The following NIPBL variants were observed in gnomAD, a reference collection of about 807,000 sequenced individuals.
The protein encoded by NIPBL is nipped-B-like protein.
In NIPBL, 19 loss-of-function variants were observed where a neutral mutation model predicts 321.8. That is an observed-to-expected ratio of 0.06 (90% confidence interval 0.04 to 0.09). The LOEUF is 0.09. Ranked by LOEUF, NIPBL falls within the 10% of genes least tolerant of loss-of-function variation. NIPBL has a pLI of 1.00. For synonymous variants in NIPBL, 1,106 were observed against 1,114.1 expected, an observed-to-expected ratio of 0.99 and a Z score of 0.14; for missense variants, 2,210 against 3,327.0, an observed-to-expected ratio of 0.66 and a Z score of 8.26.
In NIPBL at chr5:37,058,956, C is replaced by T; in HGVS notation, c.7476C>T (p.Asp2492=). 6.2e-7 allele frequency: 1 copy of T among 1,614,112 alleles called. No homozygotes were observed. Among genetic ancestry groups the T allele is most frequent in the East Asian group, 2.2e-5 (1 of 44,880 alleles). The change falls in exon 44 of 47, where the codon GAC becomes GAT. Residue 2492 remains aspartate (D), a synonymous_variant. Coordinates refer to ENST00000282516, the MANE Select transcript of NIPBL (RefSeq NM_133433.4). ...CTAGTAAGGAAAATGAGTCAAGCGACAGTGAAGAAGAAGTTTCCAGGCCTC... is the reference window on the plus strand; with the variant it reads ...CTAGTAAGGAAAATGAGTCAAGCGATAGTGAAGAAGAAGTTTCCAGGCCTC... The part of the protein sequence containing the change: ...SSPSKENESS[D]SEEEVSRPRK...
intron 4 of NIPBL, among the ~76,000 whole-genome samples, chr5:36,961,181 C>G (rs904204956): frequency 2.6e-5 from 4 of 152,000 alleles, no homozygotes; most frequent in African/African-American, 9.7e-5. Context: ...TTAGATAAGA[C>G]AACTTTTAAA....
intron 1 of NIPBL, among the ~76,000 whole-genome samples, chr5:36,883,310 T>G (rs1370167739): frequency 2.0e-5 from 3 of 151,882 alleles, no homozygotes; most frequent in Non-Finnish European, 2.9e-5. Context: ...ATATTTCTCC[T>G]TTGACAGAAA....
At chr5:36,975,494 T>C (rs548906352) in intron 8 of NIPBL, among the ~76,000 whole-genome samples, 1 of 152,230 alleles carries the variant, frequency 6.6e-6, no homozygotes, top group East Asian at 1.9e-4. Context: ...TAAATATGTA[T>C]ACTTTATAGG....
chr5:37,024,868 T>C, intron 30 of NIPBL, 149 bp downstream of exon 30: 1 of 603,270 alleles, frequency 1.7e-6, no homozygotes, highest in South Asian at 2.8e-5. Context: ...CATACTTTAA[T>C]TTTTTTTGTT....
Position 37,044,653 on chromosome 5 carries a change from G to C in NIPBL, c.6267G>C (p.Val2089=). The C allele has an allele frequency of 6.2e-7, 1 of 1,613,808 alleles. No individual in the cohort carries two copies. Among genetic ancestry groups the C allele is most frequent in the Non-Finnish European group, 8.5e-7 (1 of 1,179,806 alleles). ...TCTTTTAGGTAGTGCAACATTGTGT[G>C]AGCTGTCTTGGAGCTGTTGTAAATA... ...KYGMTVVQHC[V]SCLGAVVNKV... is the part of the protein sequence containing the mutation. The change falls in exon 36 of 47, where the codon GTG becomes GTC. Residue 2089 remains valine, a synonymous_variant. Transcript: ENST00000282516.
At position 36,876,975 on chromosome 5, in the gene NIPBL, A is replaced by T; in HGVS notation, c.-283A>T. ...TCGGGCCCGTGGTCGGGTGTTTGTG[A>T]GTGTTTCTATGTGGGAGAAGGAGGA... On this transcript the variant is annotated 5_prime_UTR_variant, in exon 1 of 47. Coordinates refer to ENST00000282516, the MANE Select transcript of NIPBL (RefSeq NM_133433.4). 2.6e-6 allele frequency: 1 copy of T among 390,352 alleles called. No individual in the cohort carries two copies. Among genetic ancestry groups the T allele is most frequent in the Admixed American group, 4.5e-5 (1 of 22,354 alleles). 24.2% of individuals were successfully genotyped at this position (390,352 alleles called of 1,614,324 possible).
Position 36,976,142 on chromosome 5 carries a change from G to A in NIPBL, c.1235G>A (p.Arg412His), listed in dbSNP as rs372266009. 1.9e-5 allele frequency: 30 copies of A among 1,613,406 alleles called. No individual in the cohort carries two copies. Among genetic ancestry groups the A allele is most frequent in the Middle Eastern group, 1.6e-4 (1 of 6,078 alleles). Residue 412 changes from arginine (R) to histidine (H), a missense_variant, in exon 9 of 47, where the codon CGC (arginine) becomes CAC (histidine). Around this residue, in one of 14 missense-constraint regions of NIPBL, gnomAD observed 464 missense variants for 529.5 expected, o/e 0.88. Coordinates refer to ENST00000282516, the MANE Select transcript of NIPBL (RefSeq NM_133433.4). ...CCCATTACTCCACAAGATATAAACC[G>A]CCCACTAAATGCTGCTCAATGTTTG... ...KTPITPQDIN[R>H]PLNAAQCLSQ...
intron 33 of NIPBL, among the ~76,000 whole-genome samples, chr5:37,037,242 A>G (rs301917): frequency 0.56 from 84,949 of 150,840 alleles, 25,934 homozygotes; most frequent in African/African-American, 0.82. Context: ...AAAAAAATTA[A>G]CCAGGCATGG....
At chr5:36,958,865 TTG>T (rs1741278740) in intron 4 of NIPBL, among the ~76,000 whole-genome samples, 2 of 152,162 alleles carry the variant, frequency 1.3e-5, no homozygotes, top group Admixed American at 6.5e-5. Context: ...CAGGAATAGC[TTG>T]GACAACTTCA....
intron 9 of NIPBL, among the ~76,000 whole-genome samples, chr5:36,982,377 G>A (rs979147137): frequency 6.6e-6 from 1 of 151,724 alleles, no homozygotes; most frequent in African/African-American, 2.4e-5. Flanking sequence ...TAAGTTCATG[G>A]TGGAATTGAA....
chr5:37,052,599 A>G, intron 42 of NIPBL, 33 bp downstream of exon 42: 1 of 1,557,332 alleles, frequency 6.4e-7, no homozygotes, highest in Non-Finnish European at 8.9e-7. Context: ...TTAAGAAAAT[A>G]AGTGCTCTAG....
intron 1 of NIPBL, among the ~76,000 whole-genome samples, chr5:36,937,614 T>C (rs1006749705): frequency 5.3e-5 from 8 of 152,152 alleles, no homozygotes; most frequent in Non-Finnish European, 8.8e-5. Flanking sequence ...TTTTTAGGAA[T>C]GCTATTAAGG....
chr5:37,055,211 C>T (rs1445570442), intron 42 of NIPBL, among the ~76,000 whole-genome samples: 2 of 151,996 alleles, frequency 1.3e-5, no homozygotes, highest in Non-Finnish European at 2.9e-5. Flanking sequence ...ATTAGCCAGG[C>T]ATGATGGCGC....
chr5:37,058,556 T>C (rs1173291182), intron 43 of NIPBL, among the ~76,000 whole-genome samples: 1 of 152,258 alleles, frequency 6.6e-6, no homozygotes, highest in East Asian at 1.9e-4. Flanking sequence ...TTATAATTAC[T>C]GCTTTTCCTC....
intron 6 of NIPBL, among the ~76,000 whole-genome samples, chr5:36,962,980 C>A (rs1456339127): frequency 6.6e-6 from 1 of 151,954 alleles, no homozygotes; most frequent in African/African-American, 2.4e-5. Context: ...GAAAAATTTA[C>A]TATACTGTAA....
intron 34 of NIPBL, 34 bp from the exon 35 acceptor site, chr5:37,044,313 G>T: frequency 6.3e-7 from 1 of 1,595,774 alleles, no homozygotes; most frequent in Non-Finnish European, 8.6e-7. Flanking sequence ...TTCAGGTTTT[G>T]GATATTCATA....
rs531781505 is a variant in NIPBL at position 36,894,334 on chromosome 5, CA to C, written c.-80+17165del. Among the ~76,000 whole-genome samples the C allele has an allele frequency of 1.6e-3, 233 of 149,594 alleles. 1 individual carries two copies. The highest frequency in any genetic ancestry group is 2.8e-3 in the Admixed American group (42 of 15,042). On this transcript the variant is annotated intron_variant, in intron 1 of 46. Coordinates refer to ENST00000282516, the MANE Select transcript of NIPBL (RefSeq NM_133433.4). ...GAAACCGCAGATAAAGTGAAGTATC[CA>C]AAAAAAAACTCTATTTATATGAGAA...
intron 1 of NIPBL, among the ~76,000 whole-genome samples, chr5:36,937,346 A>C (rs1006990174): frequency 6.6e-6 from 1 of 152,148 alleles, no homozygotes; most frequent in African/African-American, 2.4e-5. Flanking sequence ...TTGACATTCT[A>C]AATTTTTCTA....
At chr5:36,907,845 G>A (rs1429586731) in intron 1 of NIPBL, among the ~76,000 whole-genome samples, 1 of 151,920 alleles carries the variant, frequency 6.6e-6, no homozygotes, top group Non-Finnish European at 1.5e-5. Context: ...TCATCAAGAT[G>A]GACAAAGAAT....
Sources: gnomAD v4.1 joint callset for allele counts (sites outside exome capture counted in the v4.1 genomes callset) on GRCh38, gnomAD v4.1.1 for gene constraint, gnomAD v4.1.1 regional missense constraint, MANE v1.5 for transcripts, NCBI Gene and HGNC (gene_info 2026-07-23, HGNC 2026-07-21) for gene names.